Variants in MAGI1 observed in about 807,000 individuals in gnomAD.
The protein encoded by MAGI1 is membrane associated guanylate kinase, WW and PDZ domain containing 1.
MAGI1 carries 58 observed loss-of-function variants against 139.9 expected under a neutral mutation model. The observed-to-expected ratio is 0.41, with a 90% CI of 0.34 to 0.52. The LOEUF is 0.52. MAGI1 is among the 20% of genes least tolerant of loss of function. The pLI is 0.12. For synonymous variants in MAGI1, 812 were observed against 737.9 expected (o/e 1.10, Z -1.63); for missense variants, 1,874 against 1,901.6 (o/e 0.99, Z 0.27).
At chr3:65,510,179 G>C (rs866202158) in intron 2 of MAGI1, among the ~76,000 whole-genome samples, 1 of 152,182 alleles carries the variant, frequency 6.6e-6, no homozygotes, top group Non-Finnish European at 1.5e-5. Context: ...AAGAGCAAAA[G>C]TAGATAAAAC....
intron 1 of MAGI1, among the ~76,000 whole-genome samples, chr3:65,648,211 C>A (rs1341866273): frequency 6.6e-6 from 1 of 151,476 alleles, no homozygotes; most frequent in African/African-American, 2.4e-5. Context: ...GTGGCACTAT[C>A]ACAGCTCACT....
intron 1 of MAGI1, among the ~76,000 whole-genome samples, chr3:65,893,477 T>C (rs191056995): frequency 4.6e-5 from 7 of 152,154 alleles, no homozygotes; most frequent in African/African-American, 7.2e-5. Flanking sequence ...AATCCAACAA[T>C]ATAGTTTAAT....
intron 1 of MAGI1, among the ~76,000 whole-genome samples, chr3:65,740,716 C>G (rs182758665): frequency 6.6e-6 from 1 of 152,186 alleles, no homozygotes; most frequent in Non-Finnish European, 1.5e-5. Context: ...CAGGAAACCT[C>G]TATCTCTATA....
At chr3:65,912,999 G>A (rs529692647) in intron 1 of MAGI1, among the ~76,000 whole-genome samples, 7 of 152,262 alleles carry the variant, frequency 4.6e-5, no homozygotes, top group Admixed American at 6.5e-5. Context: ...GGGGCTGGGC[G>A]CAGTGGCTCA....
chr3:65,518,650 C>G (rs534980706), intron 2 of MAGI1, among the ~76,000 whole-genome samples: 1 of 152,198 alleles, frequency 6.6e-6, no homozygotes, highest in South Asian at 2.1e-4. Context: ...AATTAAAATA[C>G]TTCACAAACA....
chr3:65,761,535 A>G (rs1264501332), intron 1 of MAGI1, among the ~76,000 whole-genome samples: 1 of 152,176 alleles, frequency 6.6e-6, no homozygotes, highest in Non-Finnish European at 1.5e-5. Context: ...AACCTCTCCA[A>G]ACGCTTTTAT....
intron 1 of MAGI1, among the ~76,000 whole-genome samples, chr3:65,628,360 C>T (rs957326751): frequency 6.6e-6 from 1 of 150,752 alleles, no homozygotes; most frequent in African/African-American, 2.5e-5. Context: ...CAAAAAGATA[C>T]AAAGTAAAAT....
At chr3:65,597,263 C>G (rs2082255331) in intron 2 of MAGI1, among the ~76,000 whole-genome samples, 1 of 149,786 alleles carries the variant, frequency 6.7e-6, no homozygotes, top group Non-Finnish European at 1.5e-5. Flanking sequence ...CCCCCTCCCC[C>G]TCCCACCCCC....
intron 1 of MAGI1, among the ~76,000 whole-genome samples, chr3:65,748,533 C>A (rs2107810860): frequency 6.6e-6 from 1 of 152,332 alleles, no homozygotes; most frequent in East Asian, 1.9e-4. Flanking sequence ...GAATTTGCAG[C>A]TGCCGCTTTG....
intron 1 of MAGI1, among the ~76,000 whole-genome samples, chr3:65,664,440 G>T (rs570393679): frequency 1.4e-4 from 21 of 152,224 alleles, no homozygotes; most frequent in Admixed American, 3.9e-4. Flanking sequence ...ACCCTACAAG[G>T]TAGCTTCTGA....
chr3:65,392,628 G>A (rs1351567712), intron 13 of MAGI1, among the ~76,000 whole-genome samples: 2 of 152,112 alleles, frequency 1.3e-5, no homozygotes, highest in African/African-American at 4.8e-5. Flanking sequence ...GTCTCCCCGA[G>A]TATCCTTCAT....
At chr3:65,902,474 G>A (rs2061271014) in intron 1 of MAGI1, 2 of 152,514 alleles carry the variant, frequency 1.3e-5, no homozygotes, top group African/African-American at 4.8e-5. Context: ...CCAGCCCCTT[G>A]CGTATGTAAA....
chr3:65,526,862 C>T (rs770603809), intron 2 of MAGI1, among the ~76,000 whole-genome samples: 19 of 152,246 alleles, frequency 1.2e-4, no homozygotes, highest in East Asian at 3.9e-4. Flanking sequence ...CAGCTGTTAG[C>T]GCCCAGTTTT....
At chr3:65,859,906 GTTTT>G (rs1173504987) in intron 1 of MAGI1, among the ~76,000 whole-genome samples, 3 of 126,484 alleles carry the variant, frequency 2.4e-5, no homozygotes, top group African/African-American at 5.5e-5. Flanking sequence ...TTTTGTTTTT[GTTTT>G]TTTTTTTTTG....
chr3:65,384,537 C>G (rs1344505623), intron 14 of MAGI1, among the ~76,000 whole-genome samples: 2 of 152,114 alleles, frequency 1.3e-5, no homozygotes, highest in Non-Finnish European at 2.9e-5. Flanking sequence ...CCCAGGCATT[C>G]AAGTCTGGGC....
intron 1 of MAGI1, among the ~76,000 whole-genome samples, chr3:65,734,333 G>A (rs1442418513): frequency 2.6e-5 from 4 of 152,072 alleles, no homozygotes; most frequent in Admixed American, 2.6e-4. Context: ...GGTGGCACTT[G>A]CCTGTAGCCC....
intron 1 of MAGI1, among the ~76,000 whole-genome samples, chr3:65,961,995 A>G (rs575608890): frequency 6.6e-6 from 1 of 152,326 alleles, no homozygotes; most frequent in South Asian, 2.1e-4. Context: ...GACAGCTTCC[A>G]TGAAGTGACT....
intron 1 of MAGI1, among the ~76,000 whole-genome samples, chr3:65,705,846 A>C (rs903695473): frequency 6.6e-6 from 1 of 152,210 alleles, no homozygotes; most frequent in African/African-American, 2.4e-5. Context: ...CTTCCTCTCA[A>C]CAGAGAATCT....
chr3:66,013,558 G>A (rs569613055), intron 1 of MAGI1, among the ~76,000 whole-genome samples: 25 of 151,856 alleles, frequency 1.6e-4, no homozygotes, highest in Admixed American at 6.6e-4. Context: ...TCAGGAGACC[G>A]AGACCATCCT....
Sources: allele counts gnomAD v4.1 joint callset (sites outside exome capture counted in the v4.1 genomes callset), GRCh38; gene constraint gnomAD v4.1.1; transcripts MANE v1.5; gene names NCBI Gene and HGNC (gene_info 2026-07-23, HGNC 2026-07-21).